Variants in XAB2 observed in about 807,000 individuals in gnomAD.
XAB2 encodes XPA binding protein 2.
In XAB2, 57 loss-of-function variants were observed where a neutral mutation model predicts 113.4. The observed-to-expected ratio is 0.50, with a 90% CI of 0.41 to 0.63. The LOEUF (loss-of-function observed/expected upper bound fraction) is 0.63. Among genes scored for constraint, XAB2 ranks in the 20% least tolerant of loss-of-function variants. The pLI is 0.00. For missense variants in XAB2, 1,037 were observed against 1,233.3 expected, an observed-to-expected ratio of 0.84 and a Z score of 2.38; for synonymous variants, 497 against 498.8, an observed-to-expected ratio of 1.00 and a Z score of 0.05.
chr19:7,623,890 C>A lies in XAB2; in HGVS notation c.968-8G>T. The A allele has an allele frequency of 1.9e-6, 3 of 1,557,508 alleles. No individual in the cohort carries two copies. Among genetic ancestry groups the A allele is most frequent in the Non-Finnish European group, 2.6e-6 (3 of 1,155,336 alleles). On this transcript the variant is annotated splice_region_variant and splice_polypyrimidine_tract_variant and intron_variant, in intron 7 of 18. Transcript: ENST00000358368. The surrounding 1 kb of genome is among the most constrained non-coding windows in gnomAD (Gnocchi z 4.6). The stretch of plus-strand genomic sequence containing the variant: ...GCTCCAGGTCCACATCATCTGGGAG[C>A]CGCGAACATGTTTGTCAGGGGCGGA...
Position 7,623,369 on chromosome 19 carries a change from G to C in XAB2, c.1120-80C>G. The stretch of plus-strand genomic sequence containing the variant: ...CGGGGCAGAGCTGTGGCTCTGAGGG[G>C]TGGGGCCTGGAGGGTGCTGTGGCCC... On this transcript the variant is annotated intron_variant, in intron 8 of 18. Coordinates refer to ENST00000358368, the MANE Select transcript of XAB2 (RefSeq NM_020196.3). The surrounding 1 kb of genome is among the most constrained non-coding windows in gnomAD (Gnocchi z 4.6). The C allele has an allele frequency of 2.5e-6, 4 of 1,575,150 alleles. No individual in the cohort carries two copies. Among genetic ancestry groups the C allele is most frequent in the Non-Finnish European group, 3.5e-6 (4 of 1,158,236 alleles).
In XAB2 at chr19:7,620,682, G is replaced by A. The variant is rs967430605; in HGVS notation, c.1972-13C>T. 21 of 1,611,988 alleles carry A rather than the reference G, an allele frequency of 1.3e-5. No homozygotes were observed. The highest frequency in any genetic ancestry group is 1.8e-5 in the Non-Finnish European group (21 of 1,179,468). On this transcript the variant is annotated splice_polypyrimidine_tract_variant and intron_variant, in intron 14 of 18. Transcript: ENST00000358368. ...CGTCCGACAGCACCTGGACACCGGG[G>A]TTGGGGAGGCCGGGAGTGAGGCCGG...
Position 7,622,832 on chromosome 19 carries a change from C to T in XAB2, c.1301G>A (p.Ser434Asn). ...VNFKQVDDLA[S>N]VWCQCGELEL... The stretch of plus-strand genomic sequence containing the variant: ...CAGCTCTCCGCACTGACACCACACG[C>T]TTGCCAGGTCATCCACCTGCTTGAA... Residue 434 changes from serine to asparagine, a missense_variant, in exon 10 of 19, where the codon AGC (serine) becomes AAC (asparagine). Physicochemically the swap from Ser to Asn is conservative, Grantham distance 46 (BLOSUM62 1). Coordinates refer to ENST00000358368, the MANE Select transcript of XAB2 (RefSeq NM_020196.3). 6.2e-7 allele frequency: 1 copy of T among 1,614,096 alleles called. No individual in the cohort carries two copies. Among genetic ancestry groups the T allele is most frequent in the Non-Finnish European group, 8.5e-7 (1 of 1,180,022 alleles).
chr19:7,626,528 C>G (rs2031143902), intron 4 of XAB2, among the ~76,000 whole-genome samples: 1 of 152,192 alleles, frequency 6.6e-6, no homozygotes, highest in Non-Finnish European at 1.5e-5. Context: ...ACTAGACCAG[C>G]TGTGGACTTT....
In XAB2 at chr19:7,621,358, G is replaced by C. The variant is rs376047734; in HGVS notation, c.1618-61C>G. On this transcript the variant is annotated intron_variant, in intron 12 of 18. Coordinates refer to ENST00000358368, the MANE Select transcript of XAB2 (RefSeq NM_020196.3). Reference sequence around the variant, plus strand: ...CAGATAGAGACCACCAGGCACCCGGGATGTCCTTGGGTGGCGTCTGTAGGG... The same window carrying C: ...CAGATAGAGACCACCAGGCACCCGGCATGTCCTTGGGTGGCGTCTGTAGGG... 299 of 1,586,042 alleles carry C rather than the reference G, an allele frequency of 1.9e-4. No individual in the cohort carries two copies. The East Asian group carries it at 4.2e-3, about 22-fold the overall frequency.
In XAB2 at chr19:7,623,344, C is replaced by T. The variant is rs903755511; in HGVS notation, c.1120-55G>A. ...GACTCAGGACCCTGCAGATGACGGTCGGGGCAGAGCTGTGGCTCTGAGGGG... is the reference window on the plus strand; with the variant it reads ...GACTCAGGACCCTGCAGATGACGGTTGGGGCAGAGCTGTGGCTCTGAGGGG... On this transcript the variant is annotated intron_variant, in intron 8 of 18. Coordinates refer to ENST00000358368, the MANE Select transcript of XAB2 (RefSeq NM_020196.3). This position sits in a 1 kb window ranked among gnomAD's most constrained non-coding sequence, Gnocchi z 4.6. The T allele has an allele frequency of 6.3e-6, 10 of 1,595,020 alleles. No individual in the cohort carries two copies. The highest frequency in any genetic ancestry group is 2.7e-5 in the African/African-American group (2 of 74,652).
In XAB2 at chr19:7,627,091, G is replaced by C; in HGVS notation, c.522+152C>G. On this transcript the variant is annotated intron_variant, in intron 4 of 18. Coordinates refer to ENST00000358368, the MANE Select transcript of XAB2 (RefSeq NM_020196.3). This position sits in a 1 kb window ranked among gnomAD's most constrained non-coding sequence, Gnocchi z 4.5. ...GTGAACAAACTATTTGGAAAATAAA[G>C]ACATGAATCACGGACAACAACAAAA... 1 of 897,544 alleles carries C rather than the reference G, an allele frequency of 1.1e-6. No homozygotes were observed. The highest frequency in any genetic ancestry group is 1.7e-6 in the Non-Finnish European group (1 of 594,954). 55.6% of individuals were successfully genotyped at this position (897,544 alleles called of 1,614,324 possible).
chr19:7,623,416 G>A lies in XAB2; in HGVS notation c.1120-127C>T, dbSNP rs917245312. Reference sequence around the variant, plus strand: ...GCCCCTGTCGGGAGAGGCCAGAAACGAACTATGGCCCTTGACAATGGTCAG... The same window carrying A: ...GCCCCTGTCGGGAGAGGCCAGAAACAAACTATGGCCCTTGACAATGGTCAG... On this transcript the variant is annotated intron_variant, in intron 8 of 18. Transcript: ENST00000358368. This position sits in a 1 kb window ranked among gnomAD's most constrained non-coding sequence, Gnocchi z 4.6. 7.1e-6 allele frequency: 9 copies of A among 1,274,678 alleles called. No homozygotes were observed. Among genetic ancestry groups the A allele is most frequent in the African/African-American group, 1.5e-5 (1 of 67,288 alleles). The allele number at this position is 1,274,678 out of a possible 1,614,324, so 79.0% of individuals were successfully genotyped here.
chr19:7,620,455 G>T lies in XAB2; in HGVS notation c.2095-9C>A. ...CAGAACGCGCCGGTCGTCTGCGTGG[G>T]GGGCAGGGCAGGGGTGGGTGTGTGT... is the stretch of plus-strand genomic sequence containing the variant. On this transcript the variant is annotated splice_polypyrimidine_tract_variant and intron_variant, in intron 15 of 18. Transcript: ENST00000358368. 6.2e-7 allele frequency: 1 copy of T among 1,608,660 alleles called. No homozygotes were observed. Among genetic ancestry groups the T allele is most frequent in the Non-Finnish European group, 8.5e-7 (1 of 1,177,928 alleles).
At position 7,620,378 on chromosome 19, in the gene XAB2, C is replaced by T. The variant is rs1356242615; in HGVS notation, c.2163G>A (p.Lys721=). Residue 721 remains lysine, a synonymous_variant, in exon 16 of 19, where the codon AAG becomes AAA. Transcript: ENST00000358368. ...CGCTGCGCCGGATACGCAGCATTTC[C>T]TTGATGGTGTCCTCATTGCCATGCC... is the stretch of plus-strand genomic sequence containing the variant. ...EVRHGNEDTI[K]EMLRIRRSVQ... is the part of the protein sequence containing the mutation. The T allele has an allele frequency of 1.9e-6, 3 of 1,612,996 alleles. No individual in the cohort carries two copies. The highest frequency in any genetic ancestry group is 4.5e-5 in the East Asian group (2 of 44,888).
chr19:7,629,310 A>G (rs1477213670), intron 1 of XAB2, among the ~76,000 whole-genome samples, 167 bp downstream of exon 1: 1 of 152,208 alleles, frequency 6.6e-6, no homozygotes, highest in African/African-American at 2.4e-5. Flanking sequence ...TTACTCCTGG[A>G]CAGTTCGGTG....
In XAB2 at chr19:7,627,389, C is replaced by T. The variant is rs4134822; in HGVS notation, c.376G>A (p.Val126Ile). 20 of 1,607,318 alleles carry T rather than the reference C, an allele frequency of 1.2e-5. No homozygotes were observed. The highest frequency in any genetic ancestry group is 5.1e-5 in the Admixed American group (3 of 58,990). The part of the protein sequence containing the change: ...YCQFLMDQGR[V>I]THTRRTFDRA... ...TCGAAGGTGCGGCGGGTGTGTGTGA[C>T]GCGCCCCTGGTCCATGAGGAACTGG... The change falls in exon 4 of 19, where the codon GTC (valine) becomes ATC (isoleucine). Residue 126 changes from valine (V) to isoleucine (I), a missense_variant. Val to Ile is a conservative substitution (Grantham distance 29). Coordinates refer to ENST00000358368, the MANE Select transcript of XAB2 (RefSeq NM_020196.3). The surrounding 1 kb of genome is among the most constrained non-coding windows in gnomAD (Gnocchi z 4.5).
In XAB2 at chr19:7,624,975, C is replaced by CA. The variant is rs1568454776; in HGVS notation, c.823-531dup. On this transcript the variant is annotated intron_variant, in intron 6 of 18. Transcript: ENST00000358368. This position sits in a 1 kb window ranked among gnomAD's most constrained non-coding sequence, Gnocchi z 4.2. The stretch of plus-strand genomic sequence containing the variant: ...TGCTGCCTCCGACAGCCTTGGCCTA[C>CA]ACGTGCCCCTGGAAGGGGCGCTGCG... Among the ~76,000 whole-genome samples, 2 of 152,350 alleles carry CA rather than the reference C, an allele frequency of 1.3e-5. No homozygotes were observed. The highest frequency in any genetic ancestry group is 3.9e-4 in the East Asian group (2 of 5,178).
chr19:7,620,696 G>C, intron 14 of XAB2, 27 bp from the exon 15 acceptor site: 1 of 1,610,610 alleles, frequency 6.2e-7, no homozygotes, highest in Non-Finnish European at 8.5e-7. Context: ...GGGAGGCCGG[G>C]AGTGAGGCCG....
At position 7,620,269 on chromosome 19, in the gene XAB2, G is replaced by A. The variant is rs754623387; in HGVS notation, c.2266+6C>T. The A allele has an allele frequency of 3.1e-6, 5 of 1,612,718 alleles. No homozygotes were observed. In the Middle Eastern group the frequency reaches 5.0e-4, roughly 163 times the overall value. On this transcript the variant is annotated splice_donor_region_variant and intron_variant, in intron 16 of 18. Transcript: ENST00000358368. ...ATCAGGAACTCAGCCAGCTGGGACG[G>A]CTCACCGGTGCCCGTGGCACTGCCC...
In XAB2 at chr19:7,627,484, C is replaced by A. The variant is rs1304476239; in HGVS notation, c.325-44G>T. 7 of 1,576,702 alleles carry A rather than the reference C, an allele frequency of 4.4e-6. No individual in the cohort carries two copies. The highest frequency in any genetic ancestry group is 2.3e-5 in the South Asian group (2 of 88,188). The stretch of plus-strand genomic sequence containing the variant: ...GCGGCTGGGGCTAAGCCACGGACTC[C>A]ATGGCCTGGCCACAGACACTCGATG... On this transcript the variant is annotated intron_variant, in intron 3 of 18. Transcript: ENST00000358368. This position sits in a 1 kb window ranked among gnomAD's most constrained non-coding sequence, Gnocchi z 4.5.
intron 12 of XAB2, 33 bp from the exon 13 acceptor site, chr19:7,621,330 C>T (rs2031029827): frequency 2.5e-6 from 4 of 1,605,356 alleles, no homozygotes; most frequent in South Asian, 1.1e-5. Context: ...ATGTGAGAGT[C>T]TGCAGATAGA....
Position 7,627,762 on chromosome 19 carries a change from T to C in XAB2, c.290A>G (p.Asn97Ser), listed in dbSNP as rs1279195245. Residue 97 changes from asparagine to serine, a missense_variant, in exon 3 of 19, where the codon AAC becomes AGC. Coordinates refer to ENST00000358368, the MANE Select transcript of XAB2 (RefSeq NM_020196.3). The surrounding 1 kb of genome is among the most constrained non-coding windows in gnomAD (Gnocchi z 4.5). ...VTDPAYEDVNNCHERAFVFMH... is the reference protein window; with the variant it reads ...VTDPAYEDVNSCHERAFVFMH... ...GAACACAAAGGCCCTCTCATGACAG[T>C]TGTTGACATCTTCATAGGCAGGGTC... 1.9e-6 allele frequency: 3 copies of C among 1,613,100 alleles called. No individual in the cohort carries two copies. Among genetic ancestry groups the C allele is most frequent in the Non-Finnish European group, 2.5e-6 (3 of 1,179,706 alleles).
Position 7,623,920 on chromosome 19 carries a change from C to T in XAB2, c.968-38G>A. ...AACATGTTTGTCAGGGGCGGAGACC[C>T]AGGATGCAGGTCCCCGGATGCCACC... On this transcript the variant is annotated intron_variant, in intron 7 of 18. Transcript: ENST00000358368. The surrounding 1 kb of genome is among the most constrained non-coding windows in gnomAD (Gnocchi z 4.6). 6.6e-7 allele frequency: 1 copy of T among 1,505,412 alleles called. No homozygotes were observed. 93.3% of individuals were successfully genotyped at this position (1,505,412 alleles called of 1,614,324 possible).
Sources: gnomAD v4.1 joint callset for allele counts (sites outside exome capture counted in the v4.1 genomes callset) on GRCh38, gnomAD v4.1.1 for gene constraint, Gnocchi (gnomAD v3.1) non-coding constraint, MANE v1.5 for transcripts, NCBI Gene and HGNC (gene_info 2026-07-23, HGNC 2026-07-21) for gene names.